FANCM: variants seen among roughly 807,000 people sequenced by gnomAD.
FANCM encodes FA complementation group M, also known as Fanconi anemia group M protein.
Under a neutral mutation model 199.5 loss-of-function variants are expected in FANCM, and 140 were observed. That is an observed-to-expected ratio of 0.70 (90% CI 0.61 to 0.81). The LOEUF (loss-of-function observed/expected upper bound fraction) is 0.81, where lower values mean the gene tolerates loss of function less well. FANCM is among the 30% of genes least tolerant of loss of function. FANCM has a pLI of 0.00. For missense variants in FANCM, 2,410 were observed against 2,421.4 expected (o/e 1.00, Z 0.10); for synonymous variants, 840 against 836.8 (o/e 1.00, Z -0.07).
intron 2 of FANCM, among the ~76,000 whole-genome samples, chr14:45,140,246 A>G (rs1202841849): frequency 6.6e-6 from 1 of 150,556 alleles, no homozygotes; most frequent in Non-Finnish European, 1.5e-5. Context: ...TTTCTTTTGT[A>G]GAGACCAGGT....
chr14:45,186,655 A>G (rs563310368), intron 18 of FANCM, among the ~76,000 whole-genome samples: 2 of 152,344 alleles, frequency 1.3e-5, no homozygotes, highest in South Asian at 4.1e-4. Context: ...TATGTCCTTG[A>G]TGTTCATTAA....
In FANCM at chr14:45,153,940, C is replaced by G. The variant is rs780333012; in HGVS notation, c.1071C>G (p.Ile357Met). The stretch of plus-strand genomic sequence containing the variant: ...TCTAGGGAATACAACAAGGCATAAT[C>G]GAGGGAGAGTTTGCTATTTGTATTA... Reference protein sequence around the residue: ...PNIVGIQQGIIEGEFAICISL... With the variant: ...PNIVGIQQGIMEGEFAICISL... The change falls in exon 6 of 23, where the codon ATC becomes ATG. Residue 357 changes from isoleucine to methionine, a missense_variant. Coordinates refer to ENST00000267430, the MANE Select transcript of FANCM (RefSeq NM_020937.4). 1.2e-6 allele frequency: 2 copies of G among 1,608,654 alleles called. No individual in the cohort carries two copies. Among genetic ancestry groups the G allele is most frequent in the Non-Finnish European group, 1.7e-6 (2 of 1,175,314 alleles).
Position 45,199,927 on chromosome 14 carries a change from CTATAGA to C in FANCM, c.6071_6076del (p.Arg2024_Tyr2025del), listed in dbSNP as rs773456844. ...TAACTCATCAGAAGGCTGAGGAGAT[CTATAGA>C]TATATTCACTATGTATTTGACATAC... is the stretch of plus-strand genomic sequence containing the variant. On this transcript the variant is annotated inframe_deletion, in exon 23 of 23. Coordinates refer to ENST00000267430, the MANE Select transcript of FANCM (RefSeq NM_020937.4). 1 of 1,605,046 alleles carries C rather than the reference CTATAGA, an allele frequency of 6.2e-7. No homozygotes were observed. Among genetic ancestry groups the C allele is most frequent in the Non-Finnish European group, 8.5e-7 (1 of 1,172,086 alleles).
chr14:45,189,017 C>A lies in FANCM; in HGVS notation c.4995C>A (p.Ser1665=). ...QNCAHSKKKL[S]RIILPDDSSE... ...GTGCACATTCAAAAAAGAAATTATC[C>A]AGAATTATTTTACCAGATGATTCAA... The change falls in exon 20 of 23, where the codon TCC becomes TCA. Residue 1665 remains serine, a synonymous_variant. Transcript: ENST00000267430. The A allele has an allele frequency of 6.2e-7, 1 of 1,613,756 alleles. No homozygotes were observed. The highest frequency in any genetic ancestry group is 8.5e-7 in the Non-Finnish European group (1 of 1,179,780).
rs1566762818 is a variant in FANCM at position 45,175,531 on chromosome 14, A to C, written c.2777A>C (p.Glu926Ala). The C allele has an allele frequency of 6.2e-7, 1 of 1,612,970 alleles. No homozygotes were observed. Among genetic ancestry groups the C allele is most frequent in the African/African-American group, 1.3e-5 (1 of 75,032 alleles). The change falls in exon 14 of 23, where the codon GAG becomes GCG. Residue 926 changes from glutamate to alanine, a missense_variant. Transcript: ENST00000267430. ...VIKEPCVLLT[E>A]CQFTNKSTSS... ...AAAGAACCGTGTGTGTTATTAACAG[A>C]GTGTCAGTTTACAAATAAATCCACT...
At chr14:45,148,236 A>ACACACACACAC (rs1566731489) in intron 3 of FANCM, among the ~76,000 whole-genome samples, 1 of 119,078 alleles carries the variant, frequency 8.4e-6, no homozygotes, top group African/African-American at 3.8e-5. Context: ...CACACACACA[A>ACACACACACAC]AACAACTTTT....
Position 45,175,716 on chromosome 14 carries a change from G to GC in FANCM, c.2963dup (p.Asn989Ter). The GC allele has an allele frequency of 6.2e-7, 1 of 1,613,844 alleles. No individual in the cohort carries two copies. The highest frequency in any genetic ancestry group is 8.5e-7 in the Non-Finnish European group (1 of 1,179,888). ...TCACTCATTGACAAAAGAGGTACTAGCTAATGTAGAGAGATTTTTATCTTA... is the reference window on the plus strand; with the variant it reads ...TCACTCATTGACAAAAGAGGTACTAGCCTAATGTAGAGAGATTTTTATCTTA... On this transcript the variant is annotated frameshift_variant, in exon 14 of 23. Transcript: ENST00000267430. LOFTEE classifies it high-confidence loss of function.
At chr14:45,155,171 C>G (rs1364354639) in intron 7 of FANCM, among the ~76,000 whole-genome samples, 1 of 152,034 alleles carries the variant, frequency 6.6e-6, no homozygotes, top group Admixed American at 6.5e-5. Context: ...TAGGTTCTCT[C>G]AGAATGAAAT....
chr14:45,194,107 G>A (rs1349166097), intron 20 of FANCM, among the ~76,000 whole-genome samples: 6 of 152,142 alleles, frequency 3.9e-5, no homozygotes, highest in African/African-American at 1.4e-4. Flanking sequence ...CTCAAGACCA[G>A]CCTGGCCAAC....
chr14:45,181,060 A>G (rs926172546), intron 14 of FANCM, among the ~76,000 whole-genome samples: 1 of 152,236 alleles, frequency 6.6e-6, no homozygotes, highest in African/African-American at 2.4e-5. Context: ...TAGAAAGAGA[A>G]TAAGACACAA....
At chr14:45,185,502 T>G (rs982935564) in intron 18 of FANCM, 129 bp downstream of exon 18, 4 of 575,406 alleles carry the variant, frequency 7.0e-6, no homozygotes, top group Admixed American at 3.5e-5. Context: ...AAATATTTAT[T>G]TGGTCATTTT....
At position 45,183,106 on chromosome 14, in the gene FANCM, T is replaced by C. The variant is rs79181397; in HGVS notation, c.4387-668T>C. Among the ~76,000 whole-genome samples the C allele has an allele frequency of 4.4e-3, 673 of 152,314 alleles. 7 individuals carry two copies. Among genetic ancestry groups the C allele is most frequent in the African/African-American group, 0.015 (626 of 41,586 alleles). On this transcript the variant is annotated intron_variant, in intron 16 of 22. Coordinates refer to ENST00000267430, the MANE Select transcript of FANCM (RefSeq NM_020937.4). Reference sequence around the variant, plus strand: ...TAATTAAAAATACAGCCAGTCCGTATTAACATTGTGTACTCATATAAGACT... The same window carrying C: ...TAATTAAAAATACAGCCAGTCCGTACTAACATTGTGTACTCATATAAGACT...
At chr14:45,139,714 G>A (rs566749487) in intron 2 of FANCM, among the ~76,000 whole-genome samples, 1 of 152,306 alleles carries the variant, frequency 6.6e-6, no homozygotes, top group Admixed American at 6.5e-5. Flanking sequence ...GCAGTGGCTT[G>A]AACCTGTAAT....
At chr14:45,140,732 T>TATTACAGTTA (rs753326900) in intron 3 of FANCM, 23 bp downstream of exon 3, 1 of 1,429,050 alleles carries the variant, frequency 7.0e-7, no homozygotes, top group Non-Finnish European at 9.9e-7. Context: ...TTTTTCCATT[T>TATTACAGTTA]ATTACAGTTA....
chr14:45,189,130 A>G lies in FANCM; in HGVS notation c.5108A>G (p.His1703Arg), dbSNP rs146897650. The G allele has an allele frequency of 1.9e-4, 304 of 1,613,928 alleles. 1 individual carries two copies. Among genetic ancestry groups the G allele is most frequent in the Middle Eastern group, 4.9e-4 (3 of 6,084 alleles). Residue 1703 changes from histidine to arginine, a missense_variant, in exon 20 of 23, where the codon CAT becomes CGT. Physicochemically the swap from His to Arg is conservative, Grantham distance 29. Coordinates refer to ENST00000267430, the MANE Select transcript of FANCM (RefSeq NM_020937.4). Reference protein sequence around the residue: ...STVKKNKQQDHCLNSVPSGSS... With the variant: ...STVKKNKQQDRCLNSVPSGSS... ...GTTAAGAAGAACAAACAACAGGACC[A>G]TTGTTTAAATTCAGTGCCTTCTGGA...
At chr14:45,159,302 A>G (rs1887418235) in intron 9 of FANCM, 22 bp downstream of exon 9, 1 of 1,556,018 alleles carries the variant, frequency 6.4e-7, no homozygotes, top group Admixed American at 1.7e-5. Context: ...TGGAATTGAT[A>G]AAAATAAAAA....
intron 3 of FANCM, among the ~76,000 whole-genome samples, chr14:45,145,426 T>A (rs1409266687): frequency 6.6e-6 from 1 of 152,102 alleles, no homozygotes; most frequent in Non-Finnish European, 1.5e-5. Flanking sequence ...GGAATTCCCT[T>A]CTAGCTAGGG....
chr14:45,158,190 C>G (rs1726196666), intron 8 of FANCM, among the ~76,000 whole-genome samples: 1 of 152,022 alleles, frequency 6.6e-6, no homozygotes, highest in African/African-American at 2.4e-5. Context: ...CAAACATGAC[C>G]CTGTCTCAAA....
At chr14:45,194,068 G>A (rs946072789) in intron 20 of FANCM, among the ~76,000 whole-genome samples, 27 of 152,142 alleles carry the variant, frequency 1.8e-4, no homozygotes, top group Admixed American at 1.0e-3. Flanking sequence ...TTGGGAGGCC[G>A]AGGTGGGTGG....
Sources: gnomAD v4.1 joint callset for allele counts (sites outside exome capture counted in the v4.1 genomes callset) on GRCh38, gnomAD v4.1.1 for gene constraint, MANE v1.5 for transcripts, NCBI Gene and HGNC (gene_info 2026-07-23, HGNC 2026-07-21) for gene names.